The following PARD3B variants were observed in gnomAD, a reference collection of about 807,000 sequenced individuals.
PARD3B encodes the protein par-3 family cell polarity regulator beta.
A neutral mutation model predicts 130.2 loss-of-function variants in PARD3B; 103 were observed. The ratio of observed to expected loss-of-function variants is 0.79; its 90% CI spans 0.67 to 0.93. The LOEUF is 0.93. Ranked by LOEUF, PARD3B falls within the 40% of genes least tolerant of loss-of-function variation. PARD3B has a pLI of 0.00. For synonymous variants in PARD3B, 583 were observed against 553.2 expected (o/e 1.05, Z -0.76); for missense variants, 1,609 against 1,499.2 (o/e 1.07, Z -1.21).
intron 3 of PARD3B, among the ~76,000 whole-genome samples, chr2:205,000,232 A>G (rs1041252083): frequency 5.3e-5 from 8 of 152,172 alleles, no homozygotes; most frequent in African/African-American, 1.9e-4. Flanking sequence ...TAATGGGTGC[A>G]GTGGTGCACA....
At chr2:204,731,484 T>C (rs1460031797) in intron 2 of PARD3B, among the ~76,000 whole-genome samples, 1 of 152,222 alleles carries the variant, frequency 6.6e-6, no homozygotes, top group East Asian at 1.9e-4. Context: ...GATTAAGTTT[T>C]AATTTTTCCC....
intron 2 of PARD3B, among the ~76,000 whole-genome samples, chr2:204,874,590 T>C (rs1412609083): frequency 6.6e-6 from 1 of 152,118 alleles, no homozygotes; most frequent in African/African-American, 2.4e-5. Context: ...TTTTTAAAAA[T>C]CGAGGTATAA....
At chr2:204,919,211 C>T (rs1331174851) in intron 2 of PARD3B, among the ~76,000 whole-genome samples, 1 of 152,088 alleles carries the variant, frequency 6.6e-6, no homozygotes, top group African/African-American at 2.4e-5. Context: ...AGTACTTTAG[C>T]ATGCATATCA....
intron 12 of PARD3B, among the ~76,000 whole-genome samples, chr2:205,173,791 C>T (rs1378086477): frequency 6.6e-6 from 1 of 152,176 alleles, no homozygotes; most frequent in African/African-American, 2.4e-5. Flanking sequence ...TTATAACACC[C>T]TTATCTGCCA....
At chr2:204,939,301 A>G (rs764424933) in intron 2 of PARD3B, among the ~76,000 whole-genome samples, 1 of 152,192 alleles carries the variant, frequency 6.6e-6, no homozygotes, top group Non-Finnish European at 1.5e-5. Context: ...TTAATACCTC[A>G]CATAAAAGAT....
intron 2 of PARD3B, among the ~76,000 whole-genome samples, chr2:204,941,798 G>T (rs972487618): frequency 2.6e-5 from 4 of 151,418 alleles, no homozygotes; most frequent in East Asian, 3.9e-4. Flanking sequence ...AATTTCATTG[G>T]TTTTTTTTAG....
intron 15 of PARD3B, among the ~76,000 whole-genome samples, chr2:205,223,233 A>G (rs1332447830): frequency 1.3e-5 from 2 of 152,226 alleles, no homozygotes; most frequent in East Asian, 3.8e-4. Flanking sequence ...AAAAGGGTAC[A>G]AATCTGGGAT....
chr2:205,538,065 G>C (rs1395641046), intron 21 of PARD3B, among the ~76,000 whole-genome samples: 1 of 151,994 alleles, frequency 6.6e-6, no homozygotes, highest in Admixed American at 6.6e-5. Context: ...ATCATTTATT[G>C]AGCATGTGTT....
chr2:204,750,292 C>T lies in PARD3B; in HGVS notation c.222+64010C>T, dbSNP rs2040408869. ...GTTTCTCTTTTTTCTTTAAAATATT[C>T]ATAGTGTTGGCCTGGTGCTGTGACT... On this transcript the variant is annotated intron_variant, in intron 2 of 22. Transcript: ENST00000406610. Among the ~76,000 whole-genome samples the T allele has an allele frequency of 5.9e-5, 9 of 152,082 alleles. No homozygotes were observed. The South Asian group carries it at 1.9e-3, about 32-fold the overall frequency.
chr2:205,574,585 C>T lies in PARD3B; in HGVS notation c.3260+21182C>T, dbSNP rs150886568. Among the ~76,000 whole-genome samples, 1,402 of 152,196 alleles carry T rather than the reference C, an allele frequency of 9.2e-3. 9 individuals are homozygous for T. Among genetic ancestry groups the T allele is most frequent in the South Asian group, 0.018 (87 of 4,820 alleles). Reference sequence around the variant, plus strand: ...GTGTCATTTCTAGCAGTAAAACCCCCGTTTTCTAGCATTTACAGGAATCAA... The same window carrying T: ...GTGTCATTTCTAGCAGTAAAACCCCTGTTTTCTAGCATTTACAGGAATCAA... On this transcript the variant is annotated intron_variant, in intron 22 of 22. Transcript: ENST00000406610.
At chr2:205,257,987 C>T (rs1377380177) in intron 16 of PARD3B, among the ~76,000 whole-genome samples, 1 of 152,146 alleles carries the variant, frequency 6.6e-6, no homozygotes, top group Non-Finnish European at 1.5e-5. Flanking sequence ...TTCTTCAGTG[C>T]AAGAAATGTG....
intron 6 of PARD3B, among the ~76,000 whole-genome samples, chr2:205,115,350 C>A (rs1703949325): frequency 1.3e-5 from 2 of 152,040 alleles, no homozygotes; most frequent in Admixed American, 1.3e-4. Context: ...AGCAAGTCCC[C>A]TAAACTTGCC....
chr2:205,217,774 ATATG>A (rs2037996735), intron 15 of PARD3B, among the ~76,000 whole-genome samples: 3 of 148,218 alleles, frequency 2.0e-5, no homozygotes, highest in Non-Finnish European at 4.5e-5. Context: ...AGATAAGTAT[ATATG>A]TATATATATG....
At chr2:205,261,684 A>G (rs1323803068) in intron 16 of PARD3B, among the ~76,000 whole-genome samples, 2 of 152,162 alleles carry the variant, frequency 1.3e-5, no homozygotes, top group African/African-American at 4.8e-5. Context: ...GTTACAAGCT[A>G]TGGTTTATTA....
chr2:205,218,710 C>G (rs2038079008), intron 15 of PARD3B, among the ~76,000 whole-genome samples: 1 of 152,124 alleles, frequency 6.6e-6, no homozygotes, highest in African/African-American at 2.4e-5. Flanking sequence ...ATTGCTTTTA[C>G]CTTTTCCCTC....
At chr2:205,320,175 AAGAGAGAG>A (rs56949957) in intron 18 of PARD3B, among the ~76,000 whole-genome samples, 1 of 126,426 alleles carries the variant, frequency 7.9e-6, no homozygotes, top group Non-Finnish European at 1.6e-5. Context: ...GAAAGAAAGA[AAGAGAGAG>A]AGAGAGAGAG....
chr2:205,289,407 T>C (rs974858260), intron 16 of PARD3B, among the ~76,000 whole-genome samples: 11 of 152,194 alleles, frequency 7.2e-5, no homozygotes. Context: ...GAATATTTGC[T>C]GTTGCCAGGT....
intron 18 of PARD3B, among the ~76,000 whole-genome samples, chr2:205,381,228 T>TAA (rs1415652526): frequency 1.6e-5 from 2 of 126,726 alleles, no homozygotes; most frequent in Non-Finnish European, 3.1e-5. Context: ...ATATTATATA[T>TAA]AATATATATA....
At chr2:204,572,859 A>T (rs2032073623) in intron 1 of PARD3B, among the ~76,000 whole-genome samples, 1 of 152,218 alleles carries the variant, frequency 6.6e-6, no homozygotes, top group Non-Finnish European at 1.5e-5. Flanking sequence ...AGGAAGCTAT[A>T]ATTCTGTCTG....
Sources: gnomAD v4.1 joint callset for allele counts (sites outside exome capture counted in the v4.1 genomes callset) on GRCh38, gnomAD v4.1.1 for gene constraint, MANE v1.5 for transcripts, NCBI Gene and HGNC (gene_info 2026-07-23, HGNC 2026-07-21) for gene names.